The following TUSC3 variants were observed in gnomAD, a reference collection of about 807,000 sequenced individuals.
TUSC3 encodes the protein dolichyl-diphosphooligosaccharide--protein glycosyltransferase subunit TUSC3.
A neutral mutation model predicts 44.8 loss-of-function variants in TUSC3; 45 were observed. The ratio of observed to expected loss-of-function variants is 1.00; its 90% confidence interval spans 0.79 to 1.29. The LOEUF is 1.29. TUSC3 is among the 50% of genes most tolerant of loss of function. TUSC3 has a pLI of 0.00. For missense variants in TUSC3, 519 were observed against 437.9 expected (o/e 1.19, Z -1.65); for synonymous variants, 212 against 152.9 (o/e 1.39, Z -2.85).
chr8:15,540,634 G>A (rs1034631034), intron 1 of TUSC3, 66 bp downstream of exon 1: 3 of 1,472,020 alleles, frequency 2.0e-6, no homozygotes, highest in Admixed American at 2.2e-5. Flanking sequence ...GCGTTGCCAG[G>A]CAGCCCTGCC....
the TUSC3 span, among the ~76,000 whole-genome samples, chr8:15,788,760 A>C: frequency 6.6e-6 from 1 of 152,074 alleles, no homozygotes; most frequent in Non-Finnish European, 1.5e-5. Context: ...GGTTCTCAGG[A>C]AACAGGGCTT....
At chr8:15,591,032 G>T (rs1438749306) in intron 1 of TUSC3, among the ~76,000 whole-genome samples, 2 of 152,126 alleles carry the variant, frequency 1.3e-5, no homozygotes, top group Non-Finnish European at 2.9e-5. Context: ...GCCATGCTGA[G>T]TTCTTTAAAG....
intron 2 of TUSC3, among the ~76,000 whole-genome samples, chr8:15,630,682 G>A (rs985966739): frequency 6.6e-6 from 1 of 152,054 alleles, no homozygotes; most frequent in Non-Finnish European, 1.5e-5. Context: ...ATTGTGTCTT[G>A]CTTTTGTGTT....
At chr8:15,429,716 T>C (rs541260273) in intron 1 of TUSC3, among the ~76,000 whole-genome samples, 19 of 151,748 alleles carry the variant, frequency 1.3e-4, no homozygotes, top group African/African-American at 4.6e-4. Flanking sequence ...GATTCTTAGG[T>C]ATTTTATTCT....
chr8:15,821,916 T>G, the TUSC3 span, among the ~76,000 whole-genome samples: 2 of 152,192 alleles, frequency 1.3e-5, no homozygotes, highest in East Asian at 1.9e-4. Context: ...CTGTTGAAAT[T>G]AGACTATAGA....
At chr8:15,524,578 T>G (rs1216863742) in intron 2 of TUSC3, among the ~76,000 whole-genome samples, 1 of 152,236 alleles carries the variant, frequency 6.6e-6, no homozygotes, top group Non-Finnish European at 1.5e-5. Flanking sequence ...ATTTGAGATT[T>G]AAAGTCTCAA....
At chr8:15,478,392 C>T (rs1033893181) in intron 1 of TUSC3, among the ~76,000 whole-genome samples, 6 of 152,114 alleles carry the variant, frequency 3.9e-5, no homozygotes, top group South Asian at 2.1e-4. Flanking sequence ...TACTAAGGCT[C>T]ACATGCATTA....
At chr8:15,558,994 C>G (rs1164773535) in intron 1 of TUSC3, among the ~76,000 whole-genome samples, 1 of 148,598 alleles carries the variant, frequency 6.7e-6, no homozygotes, top group Non-Finnish European at 1.5e-5. Flanking sequence ...TTTTGTGTCT[C>G]TATTTCCTTC....
chr8:15,695,522 A>C (rs571329502), intron 6 of TUSC3, among the ~76,000 whole-genome samples: 1 of 152,270 alleles, frequency 6.6e-6, no homozygotes, highest in African/African-American at 2.4e-5. Flanking sequence ...AATACAGTAA[A>C]TTGGTACTGG....
At chr8:15,693,255 G>A (rs1809002699) in intron 6 of TUSC3, among the ~76,000 whole-genome samples, 1 of 152,060 alleles carries the variant, frequency 6.6e-6, no homozygotes, top group African/African-American at 2.4e-5. Context: ...AGTGTCACTG[G>A]TGTATGTATT....
Position 15,440,031 on chromosome 8 carries a change from C to G in TUSC3, n.91+22726C>G, listed in dbSNP as rs985551569. On this transcript the variant is annotated intron_variant and non_coding_transcript_variant, in intron 1 of 5. Transcript: ENST00000503191. ...AGTAAAGGCAAACCTGGCCCCTACT[C>G]TCATGGCATTTTGAGATAGGCTTTC... Among the ~76,000 whole-genome samples the G allele has an allele frequency of 1.3e-4, 20 of 152,200 alleles. 1 individual carries two copies. Among genetic ancestry groups the G allele is most frequent in the South Asian group, 1.0e-3 (5 of 4,824 alleles).
intron 2 of TUSC3, among the ~76,000 whole-genome samples, chr8:15,528,697 C>G (rs978476551): frequency 6.6e-6 from 1 of 152,208 alleles, no homozygotes; most frequent in Non-Finnish European, 1.5e-5. Flanking sequence ...CCTGCATACT[C>G]CTGTGACCCT....
chr8:15,546,098 G>T (rs186963639), intron 1 of TUSC3, among the ~76,000 whole-genome samples: 1 of 151,792 alleles, frequency 6.6e-6, no homozygotes, highest in African/African-American at 2.4e-5. Context: ...ATAACAGTGT[G>T]TGTATGCACA....
At chr8:15,661,012 C>T (rs1001568162) in intron 4 of TUSC3, among the ~76,000 whole-genome samples, 49 of 151,142 alleles carry the variant, frequency 3.2e-4, no homozygotes, top group Admixed American at 2.8e-3. Flanking sequence ...TATTTAGGTT[C>T]ACCTATTGTT....
chr8:15,429,721 T>C (rs901652940), intron 1 of TUSC3, among the ~76,000 whole-genome samples: 2 of 151,684 alleles, frequency 1.3e-5, no homozygotes, highest in African/African-American at 4.9e-5. Flanking sequence ...TTAGGTATTT[T>C]ATTCTCTTTG....
At chr8:15,607,903 C>T (rs756860764) in intron 1 of TUSC3, among the ~76,000 whole-genome samples, 6 of 152,010 alleles carry the variant, frequency 3.9e-5, no homozygotes, top group African/African-American at 9.7e-5. Context: ...ATTACTTTGT[C>T]TAGTTATGGA....
chr8:15,437,761 A>G (rs1799968035), intron 1 of TUSC3, among the ~76,000 whole-genome samples: 1 of 152,188 alleles, frequency 6.6e-6, no homozygotes. Context: ...TTGCTCATGG[A>G]AACCAGGATC....
upstream of TUSC3, among the ~76,000 whole-genome samples, chr8:15,538,934 C>G (rs1801579246): frequency 6.6e-6 from 1 of 151,846 alleles, no homozygotes; most frequent in African/African-American, 2.4e-5. Flanking sequence ...ACTGTAACCT[C>G]AAACTCCTGG....
rs144630757 is a variant in TUSC3, at chr8:15,679,490, G to A, written c.798+5654G>A. On this transcript the variant is annotated intron_variant, in intron 6 of 10. Coordinates refer to ENST00000503731, the MANE Select transcript of TUSC3 (RefSeq NM_006765.4). The stretch of plus-strand genomic sequence containing the variant: ...TTTTTTAAGTTCCTTATAGATTCTG[G>A]ATATTAGTCCTTTATCAGATACATA... Among the ~76,000 whole-genome samples the A allele has an allele frequency of 4.6e-3, 700 of 152,096 alleles. 5 individuals carry two copies. Among genetic ancestry groups the A allele is most frequent in the African/African-American group, 0.016 (674 of 41,532 alleles).
Sources: allele counts gnomAD v4.1 joint callset (sites outside exome capture counted in the v4.1 genomes callset), GRCh38; gene constraint gnomAD v4.1.1; transcripts MANE v1.5; gene names NCBI Gene and HGNC (gene_info 2026-07-23, HGNC 2026-07-21).